KIF9: variants seen among roughly 807,000 people sequenced by gnomAD.
The protein encoded by KIF9 is kinesin-like protein KIF9.
In KIF9, 68 loss-of-function variants were observed where a neutral mutation model predicts 94.8. The observed-to-expected ratio is 0.72, with a 90% CI of 0.59 to 0.88. The LOEUF (loss-of-function observed/expected upper bound fraction) is 0.88, where lower values mean the gene tolerates loss of function less well. Among genes scored for constraint, KIF9 ranks in the 40% least tolerant of loss-of-function variants. The pLI, the probability that KIF9 is intolerant of heterozygous loss-of-function variation, is 0.00. For missense variants in KIF9, 882 were observed against 982.5 expected (o/e 0.90, Z 1.37); for synonymous variants, 343 against 362.1 (o/e 0.95, Z 0.60).
chr3:47,241,889 T>A (rs1406000072), intron 16 of KIF9, among the ~76,000 whole-genome samples: 1,241 of 23,538 alleles, frequency 0.053, 13 homozygotes, highest in Middle Eastern at 0.23. Context: ...TATATATTTT[T>A]TTTTTTTTTT....
intron 3 of KIF9, 114 bp from the exon 4 acceptor site, chr3:47,273,772 G>C (rs538025511): frequency 5.8e-6 from 5 of 862,130 alleles, no homozygotes; most frequent in Non-Finnish European, 9.4e-6. Flanking sequence ...ATGGCCAGTG[G>C]GGGCAGCCAA....
At chr3:47,235,704 G>T in intron 19 of KIF9, 87 bp from the exon 20 acceptor site, 1 of 1,092,290 alleles carries the variant, frequency 9.2e-7, no homozygotes, top group Non-Finnish European at 1.4e-6. Flanking sequence ...TCCCTTGCTG[G>T]GTTTGTGCCA....
intron 13 of KIF9, 71 bp from the exon 14 acceptor site, chr3:47,245,582 A>T: frequency 8.4e-7 from 1 of 1,186,048 alleles, no homozygotes; most frequent in Non-Finnish European, 1.3e-6. Context: ...AGAACCAAGT[A>T]CTGGGGTTAA....
At chr3:47,253,863 C>T (rs753875499) in intron 10 of KIF9, among the ~76,000 whole-genome samples, 1 of 152,146 alleles carries the variant, frequency 6.6e-6, no homozygotes, top group Non-Finnish European at 1.5e-5. Context: ...ATCCTTATTA[C>T]AATAAGTCTA....
At chr3:47,236,005 T>A (rs1323824696) in intron 19 of KIF9, 29 bp downstream of exon 19, 1 of 1,529,998 alleles carries the variant, frequency 6.5e-7, no homozygotes, top group South Asian at 1.1e-5. Context: ...GTTCAACCAC[T>A]GCCACACCCC....
chr3:47,271,509 C>T, intron 4 of KIF9, 48 bp from the exon 5 acceptor site: 1 of 1,403,748 alleles, frequency 7.1e-7, no homozygotes, highest in Non-Finnish European at 1.0e-6. Context: ...ACCCCAACAG[C>T]CAACTAGCAT....
chr3:47,260,994 G>A (rs1015642300), intron 9 of KIF9, among the ~76,000 whole-genome samples: 4 of 152,228 alleles, frequency 2.6e-5, no homozygotes, highest in Non-Finnish European at 5.9e-5. Context: ...AACTGAGAAA[G>A]GCCTTGAGGA....
chr3:47,246,357 CCAT>C, intron 12 of KIF9, 105 bp from the exon 13 acceptor site: 1 of 796,416 alleles, frequency 1.3e-6, no homozygotes, highest in Non-Finnish European at 1.9e-6. Context: ...GACCCCTGGA[CCAT>C]CTGTCTCGAG....
chr3:47,246,881 G>A (rs1699959236), intron 12 of KIF9, among the ~76,000 whole-genome samples: 1 of 152,210 alleles, frequency 6.6e-6, no homozygotes, highest in African/African-American at 2.4e-5. Flanking sequence ...GGACTGCACT[G>A]TGAAAACAGG....
intron 17 of KIF9, among the ~76,000 whole-genome samples, chr3:47,238,809 G>C (rs1575941863): frequency 6.6e-6 from 1 of 152,134 alleles, no homozygotes; most frequent in African/African-American, 2.4e-5. Flanking sequence ...CTACAGGCGT[G>C]CATCACCTAC....
In KIF9 at chr3:47,228,596, C is replaced by T. The variant is rs1698321076; in HGVS notation, c.*56G>A. The T allele has an allele frequency of 1.4e-6, 2 of 1,422,334 alleles. No individual in the cohort carries two copies. Among genetic ancestry groups the T allele is most frequent in the East Asian group, 4.5e-5 (2 of 43,974 alleles). 88.1% of individuals were successfully genotyped at this position (1,422,334 alleles called of 1,614,324 possible). A position where few individuals can be genotyped will look rare whatever the true frequency, so the allele number is the denominator to read the frequency against. The stretch of plus-strand genomic sequence containing the variant: ...CTCTGGGCAGGTGGTTGAGCAGCTC[C>T]ACTACAGTAGGTGGGAGTTGCTGGT... On this transcript the variant is annotated 3_prime_UTR_variant, in exon 21 of 21. Coordinates refer to ENST00000684063, the MANE Select transcript of KIF9 (RefSeq NM_182902.4).
At chr3:47,246,601 C>G (rs1208630915) in intron 12 of KIF9, 1 of 152,988 alleles carries the variant, frequency 6.5e-6, no homozygotes, top group East Asian at 1.9e-4. Flanking sequence ...CTCTTACTTC[C>G]AAAAGGTTCT....
In KIF9 at chr3:47,248,043, T is replaced by C. The variant is rs1204448483; in HGVS notation, c.1103A>G (p.Gln368Arg). The C allele has an allele frequency of 6.2e-7, 1 of 1,613,772 alleles. No homozygotes were observed. Residue 368 changes from glutamine to arginine, a missense_variant, in exon 11 of 21, where the codon CAG becomes CGG. By Grantham distance (43) the Gln-to-Arg change is conservative (BLOSUM62 1). Coordinates refer to ENST00000684063, the MANE Select transcript of KIF9 (RefSeq NM_182902.4). ...CAGGCTGTCATGGATAGCCAGCTCCTGCTTGAGTAGTGCTAGTTCCTTCTC... is the reference window on the plus strand; with the variant it reads ...CAGGCTGTCATGGATAGCCAGCTCCCGCTTGAGTAGTGCTAGTTCCTTCTC... ...NLEKELALLKQELAIHDSLTN... is the reference protein window; with the variant it reads ...NLEKELALLKRELAIHDSLTN...
chr3:47,233,949 G>T (rs917910465), intron 20 of KIF9, among the ~76,000 whole-genome samples: 2 of 151,942 alleles, frequency 1.3e-5, no homozygotes, highest in Non-Finnish European at 2.9e-5. Context: ...AAATTAGCCG[G>T]GCATGGTAGC....
In KIF9 at chr3:47,267,917, A is replaced by G. The variant is rs1474559096; in HGVS notation, c.592-654T>C. On this transcript the variant is annotated intron_variant, in intron 5 of 20. Transcript: ENST00000684063. ...GAGAGCATCTCAGTCTGTCACCCAT[A>G]CTAGAGTGTGGTGGCACGATCTCGG... 2.1e-5 allele frequency among the ~76,000 whole-genome samples: 3 copies of G among 141,346 alleles called. No individual in the cohort carries two copies. The East Asian group carries it at 6.2e-4, about 29-fold the overall frequency. 92.7% of individuals were successfully genotyped at this position (141,346 alleles called of 152,430 possible).
chr3:47,247,514 A>G, intron 11 of KIF9, 37 bp from the exon 12 acceptor site: 2 of 1,509,802 alleles, frequency 1.3e-6, no homozygotes, highest in Non-Finnish European at 1.8e-6. Flanking sequence ...ATAAGCAACA[A>G]GAACCTGAGC....
At chr3:47,257,618 G>A in intron 9 of KIF9, 58 bp from the exon 10 acceptor site, 2 of 1,486,172 alleles carry the variant, frequency 1.3e-6, no homozygotes, top group Non-Finnish European at 1.9e-6. Flanking sequence ...GACCCCAAGA[G>A]ACCGGCCTTC....
intron 9 of KIF9, among the ~76,000 whole-genome samples, chr3:47,260,761 A>G (rs1350058900): frequency 6.6e-6 from 1 of 152,198 alleles, no homozygotes; most frequent in Non-Finnish European, 1.5e-5. Context: ...TGTGCTCTTC[A>G]CAGCTGGGAG....
At position 47,282,493 on chromosome 3, in the gene KIF9, A is replaced by G; in HGVS notation, c.-6+2T>C. 1.0e-6 allele frequency: 1 copy of G among 992,278 alleles called. No individual in the cohort carries two copies. The highest frequency in any genetic ancestry group is 1.2e-6 in the Non-Finnish European group (1 of 833,396). 61.5% of individuals were successfully genotyped at this position (992,278 alleles called of 1,614,324 possible). On this transcript the variant is annotated splice_donor_variant, in intron 1 of 20. Coordinates refer to ENST00000684063, the MANE Select transcript of KIF9 (RefSeq NM_182902.4). LOFTEE classifies it low-confidence loss of function (5UTR_SPLICE). The stretch of plus-strand genomic sequence containing the variant: ...TCCCACCGGCGAGCAGCCCCTGCTC[A>G]CCGTTCACCAGGCAGCGACGCTCCC...
Sources: allele counts gnomAD v4.1 joint callset (sites outside exome capture counted in the v4.1 genomes callset), GRCh38; gene constraint gnomAD v4.1.1; transcripts MANE v1.5; gene names NCBI Gene and HGNC (gene_info 2026-07-23, HGNC 2026-07-21).